The following NRXN1 variants were observed in gnomAD, a reference collection of about 807,000 sequenced individuals.
NRXN1 encodes the protein neurexin 1, also known as neurexin-1.
NRXN1 carries 39 observed loss-of-function variants against 150.9 expected under a neutral mutation model. The observed-to-expected ratio is 0.26, with a 90% CI of 0.20 to 0.34. The LOEUF is 0.34. Among genes scored for constraint, NRXN1 ranks in the 10% least tolerant of loss-of-function variants. The pLI, the probability that NRXN1 is intolerant of heterozygous loss-of-function variation, is 1.00. For synonymous variants in NRXN1, 924 were observed against 757.0 expected, an observed-to-expected ratio of 1.22 and a Z score of -3.62; for missense variants, 1,815 against 1,949.9, an observed-to-expected ratio of 0.93 and a Z score of 1.30.
chr2:50,451,007 T>C (rs2086905569), intron 17 of NRXN1, among the ~76,000 whole-genome samples: 2 of 152,132 alleles, frequency 1.3e-5, no homozygotes, highest in Non-Finnish European at 2.9e-5. Context: ...TGAGTCAAGG[T>C]CTCCCTCTGT....
intron 17 of NRXN1, among the ~76,000 whole-genome samples, chr2:50,461,815 T>C (rs955215348): frequency 5.3e-5 from 8 of 151,758 alleles, no homozygotes; most frequent in Non-Finnish European, 1.0e-4. Flanking sequence ...TTAGTAGAGA[T>C]TGAAAAGGAA....
intron 5 of NRXN1, among the ~76,000 whole-genome samples, chr2:50,734,425 A>T (rs1698469500): frequency 6.6e-6 from 1 of 152,184 alleles, no homozygotes; most frequent in Non-Finnish European, 1.5e-5. Flanking sequence ...TAAAATGACT[A>T]ACATGAAACT....
At chr2:50,680,154 A>C (rs531275996) in intron 5 of NRXN1, among the ~76,000 whole-genome samples, 1 of 152,220 alleles carries the variant, frequency 6.6e-6, no homozygotes, top group African/African-American at 2.4e-5. Context: ...TGTCTCAAAA[A>C]TTGAATTTAG....
At chr2:50,748,423 G>C (rs1700235567) in intron 5 of NRXN1, among the ~76,000 whole-genome samples, 1 of 152,090 alleles carries the variant, frequency 6.6e-6, no homozygotes, top group South Asian at 2.1e-4. Context: ...AATAACCATT[G>C]AAGAATTATT....
chr2:49,953,391 T>C (rs768600594), intron 21 of NRXN1, among the ~76,000 whole-genome samples: 2 of 152,240 alleles, frequency 1.3e-5, no homozygotes, highest in Non-Finnish European at 2.9e-5. Flanking sequence ...GTTCATGTGC[T>C]AAGAGGATCC....
At chr2:50,901,602 C>T (rs9679180) in intron 5 of NRXN1, among the ~76,000 whole-genome samples, 2 of 152,006 alleles carry the variant, frequency 1.3e-5, no homozygotes, top group African/African-American at 4.8e-5. Flanking sequence ...CCCCACCTGG[C>T]GTTCTGGTAC....
intron 19 of NRXN1, among the ~76,000 whole-genome samples, chr2:50,089,131 C>G (rs1699206121): frequency 1.3e-5 from 2 of 152,158 alleles, no homozygotes; most frequent in African/African-American, 4.8e-5. Flanking sequence ...CTTTCCCTTT[C>G]TCACCATAAG....
At chr2:50,440,813 T>C (rs1388761169) in intron 17 of NRXN1, among the ~76,000 whole-genome samples, 1 of 152,214 alleles carries the variant, frequency 6.6e-6, no homozygotes, top group Non-Finnish European at 1.5e-5. Flanking sequence ...ATCATGATCT[T>C]TATGTTTAAG....
chr2:50,897,920 A>G (rs6545185), intron 5 of NRXN1, among the ~76,000 whole-genome samples: 29,237 of 152,176 alleles, frequency 0.19, 3,242 homozygotes, highest in Non-Finnish European at 0.25. Flanking sequence ...AAAATTGATG[A>G]TAGCAAAAAC....
chr2:50,365,117 T>A (rs984465664), intron 17 of NRXN1, among the ~76,000 whole-genome samples: 1 of 152,114 alleles, frequency 6.6e-6, no homozygotes, highest in Non-Finnish European at 1.5e-5. Flanking sequence ...AGCTTTTTTT[T>A]TCTTTTTTTC....
chr2:50,380,622 G>C (rs890793708), intron 17 of NRXN1, among the ~76,000 whole-genome samples: 3 of 152,008 alleles, frequency 2.0e-5, no homozygotes, highest in Non-Finnish European at 4.4e-5. Context: ...GATTGTGTGA[G>C]GATTGAATAA....
chr2:50,703,218 A>C (rs1488436420), intron 5 of NRXN1, among the ~76,000 whole-genome samples: 2 of 152,170 alleles, frequency 1.3e-5, no homozygotes, highest in Non-Finnish European at 2.9e-5. Context: ...ACCACCAGAA[A>C]AAGCAAGAAA....
intron 16 of NRXN1, among the ~76,000 whole-genome samples, chr2:50,470,555 G>C (rs2089361794): frequency 1.3e-5 from 2 of 151,868 alleles, no homozygotes; most frequent in East Asian, 3.9e-4. Context: ...ATGTACTTAA[G>C]TAATTGCTAA....
At chr2:50,938,401 A>T (rs1278494598) in intron 2 of NRXN1, among the ~76,000 whole-genome samples, 1 of 152,142 alleles carries the variant, frequency 6.6e-6, no homozygotes, top group Non-Finnish European at 1.5e-5. Context: ...TGTCAATATC[A>T]CTATCAGTAT....
At chr2:50,792,242 T>A (rs147836071) in intron 5 of NRXN1, among the ~76,000 whole-genome samples, 268 of 152,188 alleles carry the variant, frequency 1.8e-3, no homozygotes, top group African/African-American at 6.2e-3. Flanking sequence ...AGTAAAGACA[T>A]TGAACATAAA....
intron 5 of NRXN1, chr2:50,637,659 G>T (rs1683428018): frequency 6.6e-6 from 1 of 152,190 alleles, no homozygotes; most frequent in Non-Finnish European, 1.5e-5. Flanking sequence ...TGAACTTGAG[G>T]TAATTCTTTT....
intron 21 of NRXN1, among the ~76,000 whole-genome samples, chr2:50,004,530 G>C (rs1305592845): frequency 2.6e-5 from 4 of 152,054 alleles, no homozygotes; most frequent in African/African-American, 7.2e-5. Context: ...GGCATATTCA[G>C]CCTCATGGTT....
At position 50,528,614 on chromosome 2, in the gene NRXN1, TA is replaced by T; in HGVS notation, c.2374+10del. The T allele has an allele frequency of 1.3e-6, 2 of 1,482,976 alleles. No individual in the cohort carries two copies. The highest frequency in any genetic ancestry group is 1.9e-6 in the Non-Finnish European group (2 of 1,072,114). The allele number at this position is 1,482,976 out of a possible 1,614,324, so 91.9% of individuals were successfully genotyped here. On this transcript the variant is annotated intron_variant, in intron 12 of 22. Transcript: ENST00000401669. ...GGAATAACATTTTAAAAATTTTGAA[TA>T]GGCACTTACTGGAATTACAGTTAAT...
chr2:50,399,789 T>TAAAAAAAAAAAAA (rs562980355), intron 17 of NRXN1, among the ~76,000 whole-genome samples: 1 of 60,524 alleles, frequency 1.7e-5, no homozygotes, highest in Non-Finnish European at 3.0e-5. Flanking sequence ...AGAGAACTGG[T>TAAAAAAAAAAAAA]AAAAAAAAAA....
Sources: gnomAD v4.1 joint callset for allele counts (sites outside exome capture counted in the v4.1 genomes callset) on GRCh38, gnomAD v4.1.1 for gene constraint, MANE v1.5 for transcripts, NCBI Gene and HGNC (gene_info 2026-07-23, HGNC 2026-07-21) for gene names.